PPP2R5E: variants seen among roughly 807,000 people sequenced by gnomAD.
PPP2R5E encodes protein phosphatase 2 regulatory subunit B'epsilon.
In PPP2R5E, 4 loss-of-function variants were observed where a neutral mutation model predicts 65.3. That is an observed-to-expected ratio of 0.06 (90% confidence interval 0.03 to 0.14). The LOEUF (loss-of-function observed/expected upper bound fraction) is 0.14, where lower values mean the gene tolerates loss of function less well. Ranked by LOEUF, PPP2R5E falls within the 10% of genes least tolerant of loss-of-function variation. The pLI is 1.00. For missense variants in PPP2R5E, 274 were observed against 556.1 expected, an observed-to-expected ratio of 0.49 and a Z score of 5.10; for synonymous variants, 183 against 187.4, an observed-to-expected ratio of 0.98 and a Z score of 0.19.
intron 2 of PPP2R5E, among the ~76,000 whole-genome samples, chr14:63,500,286 A>G (rs1009592472): frequency 1.3e-5 from 2 of 152,124 alleles, no homozygotes. Context: ...CCGACGCCCT[A>G]GATTTATTTT....
At chr14:63,401,405 A>T (rs61995004) in intron 5 of PPP2R5E, among the ~76,000 whole-genome samples, 7,963 of 152,278 alleles carry the variant, frequency 0.052, 240 homozygotes, top group East Asian at 0.086. Context: ...TAGTCAAAGA[A>T]AAGAAGTTAA....
chr14:63,473,291 A>G (rs1000182840), intron 2 of PPP2R5E, among the ~76,000 whole-genome samples: 2 of 152,244 alleles, frequency 1.3e-5, no homozygotes, highest in Admixed American at 1.3e-4. Context: ...ATTAAACGGT[A>G]GAGATTCCAG....
intron 7 of PPP2R5E, among the ~76,000 whole-genome samples, chr14:63,394,332 A>C (rs934352030): frequency 1.3e-5 from 2 of 151,938 alleles, no homozygotes; most frequent in Non-Finnish European, 2.9e-5. Context: ...TGATCTGCCC[A>C]CCTTGGCCTC....
intron 2 of PPP2R5E, among the ~76,000 whole-genome samples, chr14:63,494,482 CT>C (rs2139645422): frequency 1.3e-5 from 2 of 151,738 alleles, no homozygotes; most frequent in African/African-American, 4.8e-5. Flanking sequence ...TGATCTGCCC[CT>C]ATTAGCCTCC....
At chr14:63,409,093 C>T (rs898435044) in intron 5 of PPP2R5E, among the ~76,000 whole-genome samples, 31 of 152,106 alleles carry the variant, frequency 2.0e-4, no homozygotes, top group Non-Finnish European at 4.4e-5. Context: ...ATTAGCCAGC[C>T]GTAGTGGCGA....
chr14:63,423,125 C>G (rs1294431189), intron 3 of PPP2R5E, among the ~76,000 whole-genome samples: 1 of 152,168 alleles, frequency 6.6e-6, no homozygotes, highest in Non-Finnish European at 1.5e-5. Flanking sequence ...GACGGAGTCT[C>G]GCTCTGTCAC....
chr14:63,444,472 T>G (rs989570921), intron 3 of PPP2R5E, among the ~76,000 whole-genome samples: 2 of 152,238 alleles, frequency 1.3e-5, no homozygotes, highest in South Asian at 4.1e-4. Flanking sequence ...AGTGAAGCCC[T>G]GTCTTTTTTA....
At position 63,374,481 on chromosome 14, in the gene PPP2R5E, T is replaced by A. The variant is rs1305012884; in HGVS notation, c.*1528A>T. 1.3e-5 allele frequency: 2 copies of A among 151,656 alleles called. No individual in the cohort carries two copies. Among genetic ancestry groups the A allele is most frequent in the African/African-American group, 4.8e-5 (2 of 41,262 alleles). 9.4% of individuals were successfully genotyped at this position (151,656 alleles called of 1,614,324 possible). A position where few individuals can be genotyped will look rare whatever the true frequency, so the allele number is the denominator to read the frequency against. On this transcript the variant is annotated 3_prime_UTR_variant, in exon 14 of 14. Coordinates refer to ENST00000337537, the MANE Select transcript of PPP2R5E (RefSeq NM_006246.5). ...TGCTGCCATGACCAAAACAAGCAAA[T>A]GCATCCTGGAAATAAACCTCCAAAC...
intron 2 of PPP2R5E, among the ~76,000 whole-genome samples, chr14:63,507,711 C>T (rs902119854): frequency 1.3e-5 from 2 of 151,536 alleles, no homozygotes; most frequent in African/African-American, 4.9e-5. Context: ...TGCCAAGTAG[C>T]TGGGACTACA....
chr14:63,511,715 T>C (rs1054336519), intron 2 of PPP2R5E, among the ~76,000 whole-genome samples: 1 of 152,172 alleles, frequency 6.6e-6, no homozygotes, highest in Non-Finnish European at 1.5e-5. Context: ...GCACAAGTCA[T>C]AAATCACCGT....
chr14:63,428,370 G>A (rs368667898), intron 3 of PPP2R5E, among the ~76,000 whole-genome samples: 79 of 152,092 alleles, frequency 5.2e-4, no homozygotes, highest in Non-Finnish European at 8.7e-4. Flanking sequence ...TCAGATAAAC[G>A]ACAAATAATT....
rs1341019357 is a variant in PPP2R5E, at chr14:63,372,375, T to C, written c.*3634A>G. The C allele has an allele frequency of 6.6e-6, 1 of 152,138 alleles. No individual in the cohort carries two copies. Among genetic ancestry groups the C allele is most frequent in the African/African-American group, 2.4e-5 (1 of 41,432 alleles). The allele number at this position is 152,138 out of a possible 1,614,324, so 9.4% of individuals were successfully genotyped here. ...TTTGTGGCTCATTCCTTAACTCCAC[T>C]CAGAGAAGCAGCTGAGCCAGAATAC... On this transcript the variant is annotated 3_prime_UTR_variant, in exon 14 of 14. Coordinates refer to ENST00000337537, the MANE Select transcript of PPP2R5E (RefSeq NM_006246.5).
chr14:63,454,043 G>A (rs147992649), intron 2 of PPP2R5E, among the ~76,000 whole-genome samples, 158 bp from the exon 3 acceptor site: 9 of 152,304 alleles, frequency 5.9e-5, no homozygotes, highest in East Asian at 3.9e-4. Context: ...AGGGGATACC[G>A]TATCTACTAC....
intron 5 of PPP2R5E, among the ~76,000 whole-genome samples, chr14:63,406,620 C>T (rs547811851): frequency 6.6e-6 from 1 of 152,326 alleles, no homozygotes; most frequent in African/African-American, 2.4e-5. Context: ...GTCATACCAA[C>T]ACTACTTAAT....
chr14:63,426,187 AGGT>A (rs1887323845), intron 3 of PPP2R5E, among the ~76,000 whole-genome samples: 1 of 152,210 alleles, frequency 6.6e-6, no homozygotes, highest in South Asian at 2.1e-4. Context: ...GGAATATACT[AGGT>A]ACTTAATAAA....
At position 63,395,288 on chromosome 14, in the gene PPP2R5E, GAGAGA is replaced by G. The variant is rs1414970808; in HGVS notation, c.681-8_681-4del. 18 of 1,594,890 alleles carry G rather than the reference GAGAGA, an allele frequency of 1.1e-5. No homozygotes were observed. Among genetic ancestry groups the G allele is most frequent in the South Asian group, 7.8e-5 (7 of 90,322 alleles). On this transcript the variant is annotated splice_region_variant and splice_polypyrimidine_tract_variant and intron_variant, in intron 6 of 13. Coordinates refer to ENST00000337537, the MANE Select transcript of PPP2R5E (RefSeq NM_006246.5). ...AGTGTTCTGTTTCATAAACAAACCT[GAGAGA>G]AGAGGAGAAAAGGGAGGAGAAAGGA...
intron 2 of PPP2R5E, among the ~76,000 whole-genome samples, chr14:63,459,279 T>C (rs180907148): frequency 2.0e-5 from 3 of 152,288 alleles, no homozygotes; most frequent in Non-Finnish European, 2.9e-5. Context: ...GTCCAAATCA[T>C]TGCTATCAAT....
At chr14:63,451,456 T>G (rs1257834712) in intron 3 of PPP2R5E, 1 of 152,152 alleles carries the variant, frequency 6.6e-6, no homozygotes, top group Non-Finnish European at 1.5e-5. Context: ...AAGAAGCCCA[T>G]CTGAAAAGAG....
intron 2 of PPP2R5E, among the ~76,000 whole-genome samples, chr14:63,485,210 A>C (rs1171790688): frequency 5.3e-5 from 8 of 151,970 alleles, no homozygotes; most frequent in African/African-American, 2.4e-5. Context: ...AAAAAAAAAA[A>C]AAAAAACATA....
Sources: allele counts gnomAD v4.1 joint callset (sites outside exome capture counted in the v4.1 genomes callset), GRCh38; gene constraint gnomAD v4.1.1; transcripts MANE v1.5; gene names NCBI Gene and HGNC (gene_info 2026-07-23, HGNC 2026-07-21).